The following MAP3K21 variants were observed in gnomAD, a reference collection of about 807,000 sequenced individuals.
MAP3K21 encodes the protein mitogen-activated protein kinase kinase kinase MLK4.
MAP3K21 carries 63 observed loss-of-function variants against 86.1 expected under a neutral mutation model. The ratio of observed to expected loss-of-function variants is 0.73; its 90% CI spans 0.60 to 0.90. The LOEUF (loss-of-function observed/expected upper bound fraction) is 0.90, where lower values mean the gene tolerates loss of function less well. Ranked by LOEUF, MAP3K21 falls within the 40% of genes least tolerant of loss-of-function variation. The pLI, the probability that MAP3K21 is intolerant of heterozygous loss-of-function variation, is 0.00. For missense variants in MAP3K21, 1,220 were observed against 1,367.7 expected, an observed-to-expected ratio of 0.89 and a Z score of 1.70; for synonymous variants, 558 against 564.8, an observed-to-expected ratio of 0.99 and a Z score of 0.17.
intron 8 of MAP3K21, among the ~76,000 whole-genome samples, chr1:233,378,721 G>T (rs1483967245): frequency 6.6e-6 from 1 of 152,136 alleles, no homozygotes; most frequent in Non-Finnish European, 1.5e-5. Flanking sequence ...TAGCTTGCTG[G>T]TTCATCTGCA....
chr1:233,339,048 A>G (rs1662967371), intron 1 of MAP3K21, among the ~76,000 whole-genome samples: 1 of 152,212 alleles, frequency 6.6e-6, no homozygotes, highest in Non-Finnish European at 1.5e-5. Context: ...GGGAGGACCC[A>G]AGAATAGCTA....
Position 233,382,993 on chromosome 1 carries a change from A to C in MAP3K21, c.*282A>C. 1 of 261,870 alleles carries C rather than the reference A, an allele frequency of 3.8e-6. No homozygotes were observed. Among genetic ancestry groups the C allele is most frequent in the Admixed American group, 4.8e-5 (1 of 20,790 alleles). The allele number at this position is 261,870 out of a possible 1,614,324, so 16.2% of individuals were successfully genotyped here. ...TGCTGGGTCGAATTACCTTCAGCAC[A>C]ATGTTAATGTTTTTGTTCTCATTTA... On this transcript the variant is annotated 3_prime_UTR_variant, in exon 10 of 10. Coordinates refer to ENST00000366624, the MANE Select transcript of MAP3K21 (RefSeq NM_032435.3).
chr1:233,352,849 G>A lies in MAP3K21; in HGVS notation c.987-958G>A, dbSNP rs150734194. Among the ~76,000 whole-genome samples, 893 of 152,262 alleles carry A rather than the reference G, an allele frequency of 5.9e-3. 5 individuals are homozygous for A. Among genetic ancestry groups the A allele is most frequent in the Non-Finnish European group, 1.0e-2 (678 of 68,020 alleles). ...AATTTACTTAACAAAAGATATCTGCGTGTACTTTATGTTTTGAAGAAGAAT... is the reference window on the plus strand; with the variant it reads ...AATTTACTTAACAAAAGATATCTGCATGTACTTTATGTTTTGAAGAAGAAT... On this transcript the variant is annotated intron_variant, in intron 2 of 9. Transcript: ENST00000366624.
rs1019610155 is a variant in MAP3K21, at chr1:233,328,144, G to C, written c.116G>C (p.Gly39Ala). The C allele has an allele frequency of 5.6e-6, 8 of 1,435,168 alleles. No homozygotes were observed. In the Admixed American group the frequency reaches 2.2e-4, roughly 40 times the overall value. The allele number at this position is 1,435,168 out of a possible 1,614,324, so 88.9% of individuals were successfully genotyped here. A position where few individuals can be genotyped will look rare whatever the true frequency, so the allele number is the denominator to read the frequency against. ...TCCTCGGGCGGCTCGGCCTCGGCGG[G>C]CGCGGGGCTGTGGGCCGCGCTCTAT... ...STSSGGSASA[G>A]AGLWAALYDY... Residue 39 changes from glycine to alanine, a missense_variant, in exon 1 of 10, where the codon GGC becomes GCC. Physicochemically the swap from Gly to Ala is moderately conservative, Grantham distance 60. This residue lies in a region of MAP3K21 where 369 missense variants were observed against 385.3 expected (regional missense o/e 0.96). Transcript: ENST00000366624. This position sits in a 1 kb window ranked among gnomAD's most constrained non-coding sequence, Gnocchi z 8.7.
intron 3 of MAP3K21, 110 bp from the exon 4 acceptor site, chr1:233,354,726 C>T (rs1663315555): frequency 3.4e-6 from 3 of 872,494 alleles, no homozygotes; most frequent in African/African-American, 1.7e-5. Context: ...TGGAAGCTTC[C>T]AGTTTGGAAT....
intron 4 of MAP3K21, among the ~76,000 whole-genome samples, chr1:233,357,876 A>G (rs1407925908): frequency 2.0e-5 from 3 of 152,162 alleles, no homozygotes; most frequent in Non-Finnish European, 4.4e-5. Context: ...ACGACTTGCT[A>G]GCACTTGGAG....
Position 233,341,461 on chromosome 1 carries a change from C to T in MAP3K21, c.806-4981C>T, listed in dbSNP as rs79510969. On this transcript the variant is annotated intron_variant, in intron 1 of 9. Coordinates refer to ENST00000366624, the MANE Select transcript of MAP3K21 (RefSeq NM_032435.3). ...TTTTCATGGTACCCTAAAGGGTTGA[C>T]ATTTGGAGTGTGATTTGAACTTGTT... Among the ~76,000 whole-genome samples, 911 of 152,186 alleles carry T rather than the reference C, an allele frequency of 6.0e-3. 20 individuals are homozygous for T. In the East Asian group the frequency reaches 0.063, roughly 11 times the overall value.
At chr1:233,367,538 C>A (rs1291610563) in intron 5 of MAP3K21, among the ~76,000 whole-genome samples, 1 of 152,174 alleles carries the variant, frequency 6.6e-6, no homozygotes, top group East Asian at 1.9e-4. Flanking sequence ...CAACCTTTCC[C>A]TACTTCAAAG....
At chr1:233,342,309 C>T (rs1383535959) in intron 1 of MAP3K21, among the ~76,000 whole-genome samples, 1 of 152,194 alleles carries the variant, frequency 6.6e-6, no homozygotes, top group African/African-American at 2.4e-5. Flanking sequence ...GATAACATTT[C>T]TAGGCTCTGA....
chr1:233,376,001 G>GA lies in MAP3K21; in HGVS notation c.1767dup (p.Gly590ArgfsTer14), dbSNP rs1412993608. 1 of 1,606,304 alleles carries GA rather than the reference G, an allele frequency of 6.2e-7. No individual in the cohort carries two copies. Among genetic ancestry groups the GA allele is most frequent in the Admixed American group, 1.7e-5 (1 of 57,646 alleles). On this transcript the variant is annotated frameshift_variant, in exon 7 of 10. Coordinates refer to ENST00000366624, the MANE Select transcript of MAP3K21 (RefSeq NM_032435.3). LOFTEE classifies it high-confidence loss of function. Reference sequence around the variant, plus strand: ...TTGAGGATGTAAAAAGGAATTTTAAGAAAAAAGGTTGTACCTGGGGACCAA... The same window carrying GA: ...TTGAGGATGTAAAAAGGAATTTTAAGAAAAAAAGGTTGTACCTGGGGACCAA...
At chr1:233,341,257 T>A (rs1663034917) in intron 1 of MAP3K21, among the ~76,000 whole-genome samples, 1 of 152,224 alleles carries the variant, frequency 6.6e-6, no homozygotes, top group South Asian at 2.1e-4. Flanking sequence ...CCTGCGTGAA[T>A]GACAGGAAGC....
chr1:233,351,536 C>T (rs1162231297), intron 2 of MAP3K21, among the ~76,000 whole-genome samples: 2 of 151,912 alleles, frequency 1.3e-5, no homozygotes, highest in East Asian at 3.9e-4. Context: ...ACTAAAAATA[C>T]AAAAATTAGT....
At chr1:233,336,574 A>AAAATT (rs1558449896) in intron 1 of MAP3K21, among the ~76,000 whole-genome samples, 1 of 151,986 alleles carries the variant, frequency 6.6e-6, no homozygotes, top group African/African-American at 2.4e-5. Context: ...AAAATAAAAT[A>AAAATT]AAAAAATCCC....
intron 2 of MAP3K21, among the ~76,000 whole-genome samples, chr1:233,351,696 C>CAAAAA (rs10710526): frequency 8.5e-6 from 1 of 117,102 alleles, no homozygotes; most frequent in Non-Finnish European, 1.8e-5. Context: ...GATTCCATCT[C>CAAAAA]AAAAAAAAAA....
chr1:233,328,132 C>T lies in MAP3K21; in HGVS notation c.104C>T (p.Ser35Leu), dbSNP rs772019799. ...TCGTCGTCCACCTCCTCGGGCGGCTCGGCCTCGGCGGGCGCGGGGCTGTGG... is the reference window on the plus strand; with the variant it reads ...TCGTCGTCCACCTCCTCGGGCGGCTTGGCCTCGGCGGGCGCGGGGCTGTGG... ...ASSSSTSSGGSASAGAGLWAA... is the reference protein window; with the variant it reads ...ASSSSTSSGGLASAGAGLWAA... The change falls in exon 1 of 10, where the codon TCG becomes TTG. Residue 35 changes from serine to leucine, a missense_variant. Coordinates refer to ENST00000366624, the MANE Select transcript of MAP3K21 (RefSeq NM_032435.3). This position sits in a 1 kb window ranked among gnomAD's most constrained non-coding sequence, Gnocchi z 8.7. 2.8e-5 allele frequency: 39 copies of T among 1,414,640 alleles called. No individual in the cohort carries two copies. In the African/African-American group the frequency reaches 3.7e-4, roughly 14 times the overall value. 87.6% of individuals were successfully genotyped at this position (1,414,640 alleles called of 1,614,324 possible).
chr1:233,355,820 C>T (rs1202284171), intron 4 of MAP3K21, among the ~76,000 whole-genome samples: 1 of 152,166 alleles, frequency 6.6e-6, no homozygotes. Flanking sequence ...TCACTCATCA[C>T]CAGCATGGCT....
chr1:233,377,357 C>A (rs563831953), intron 8 of MAP3K21, among the ~76,000 whole-genome samples: 3 of 152,096 alleles, frequency 2.0e-5, no homozygotes, highest in Admixed American at 6.5e-5. Flanking sequence ...ATTAAAGATG[C>A]CTTAGCAAGA....
At position 233,343,723 on chromosome 1, in the gene MAP3K21, A is replaced by G. The variant is rs185436608; in HGVS notation, c.806-2719A>G. The stretch of plus-strand genomic sequence containing the variant: ...TGTGACCCTGGACAAATTACTGAAC[A>G]TCTCTGTTCCTCAGTGTCTTTATGT... On this transcript the variant is annotated intron_variant, in intron 1 of 9. Transcript: ENST00000366624. Among the ~76,000 whole-genome samples the G allele has an allele frequency of 1.5e-3, 236 of 152,330 alleles. 2 individuals are homozygous for G. Among genetic ancestry groups the G allele is most frequent in the South Asian group, 9.5e-3 (46 of 4,824 alleles).
chr1:233,361,237 G>C (rs2102758223), intron 4 of MAP3K21, among the ~76,000 whole-genome samples: 1 of 152,184 alleles, frequency 6.6e-6, no homozygotes, highest in East Asian at 1.9e-4. Context: ...TTAATTCTTA[G>C]ATTTTCTCTT....
Sources: gnomAD v4.1 joint callset for allele counts (sites outside exome capture counted in the v4.1 genomes callset) on GRCh38, gnomAD v4.1.1 for gene constraint, gnomAD v4.1.1 regional missense constraint, Gnocchi (gnomAD v3.1) non-coding constraint, MANE v1.5 for transcripts, NCBI Gene and HGNC (gene_info 2026-07-23, HGNC 2026-07-21) for gene names.